PSD3: variants seen among roughly 807,000 people sequenced by gnomAD.
PSD3 encodes PH and SEC7 domain-containing protein 3.
PSD3 carries 49 observed loss-of-function variants against 105.5 expected under a neutral mutation model. That is an observed-to-expected ratio of 0.46 (90% CI 0.37 to 0.59). PSD3 has a LOEUF of 0.59. Among genes scored for constraint, PSD3 ranks in the 20% least tolerant of loss-of-function variants. PSD3 has a pLI of 0.00. For synonymous variants in PSD3, 557 were observed against 457.8 expected (o/e 1.22, Z -2.77); for missense variants, 1,561 against 1,263.8 (o/e 1.24, Z -3.57).
chr8:18,941,767 G>A (rs1822562613), intron 1 of PSD3, among the ~76,000 whole-genome samples: 2 of 149,850 alleles, frequency 1.3e-5, no homozygotes, highest in Admixed American at 1.3e-4. Context: ...CCGCCTCCCG[G>A]GTTCAAGTGA....
At chr8:18,808,807 TG>T in intron 4 of PSD3, 1 of 1,613,850 alleles carries the variant, frequency 6.2e-7, no homozygotes, top group Non-Finnish European at 8.5e-7. Context: ...GGGGTGCGCC[TG>T]GACCATCCTT....
chr8:18,591,378 C>T (rs11779630), intron 12 of PSD3, among the ~76,000 whole-genome samples: 5,527 of 152,212 alleles, frequency 0.036, 166 homozygotes, highest in East Asian at 0.11. Context: ...TACCTGGGCA[C>T]TGCTAAGAAC....
intron 9 of PSD3, among the ~76,000 whole-genome samples, chr8:18,673,200 AT>A (rs1336752485): frequency 2.0e-5 from 3 of 149,016 alleles, no homozygotes; most frequent in African/African-American, 7.6e-5. Context: ...ACACACACCC[AT>A]CCACACACAC....
At chr8:18,933,529 A>G (rs778762068) in intron 2 of PSD3, among the ~76,000 whole-genome samples, 6 of 152,154 alleles carry the variant, frequency 3.9e-5, no homozygotes, top group Non-Finnish European at 7.3e-5. Flanking sequence ...GTGCAGTGGC[A>G]TGATCTCGGC....
chr8:18,624,774 TAC>T (rs1806361064), intron 11 of PSD3, among the ~76,000 whole-genome samples: 1 of 152,092 alleles, frequency 6.6e-6, no homozygotes, highest in African/African-American at 2.4e-5. Flanking sequence ...GGTAATATGC[TAC>T]AAGTATCTTA....
intron 9 of PSD3, among the ~76,000 whole-genome samples, chr8:18,684,425 T>G (rs1800552580): frequency 6.6e-6 from 1 of 152,094 alleles, no homozygotes; most frequent in African/African-American, 2.4e-5. Context: ...AGGCACCATG[T>G]GGGGTGGGAA....
At chr8:18,554,173 G>A (rs1169416480) in intron 15 of PSD3, among the ~76,000 whole-genome samples, 2 of 152,126 alleles carry the variant, frequency 1.3e-5, no homozygotes, top group African/African-American at 2.4e-5. Context: ...TTCCACCTTC[G>A]GCATCAAGGG....
chr8:18,611,578 G>A (rs964364687), intron 11 of PSD3, among the ~76,000 whole-genome samples: 2 of 146,376 alleles, frequency 1.4e-5, no homozygotes, highest in African/African-American at 5.0e-5. Flanking sequence ...GTTAATATAT[G>A]CAATCCTTTG....
At chr8:19,027,622 A>C (rs915008347) in intron 1 of PSD3, among the ~76,000 whole-genome samples, 10 of 152,206 alleles carry the variant, frequency 6.6e-5, no homozygotes, top group African/African-American at 2.2e-4. Flanking sequence ...TGCTGAGATC[A>C]GAGCAACTGC....
intron 14 of PSD3, among the ~76,000 whole-genome samples, chr8:18,570,984 C>G (rs1802100153): frequency 6.6e-6 from 1 of 151,926 alleles, no homozygotes; most frequent in Non-Finnish European, 1.5e-5. Context: ...GTCCACCTCC[C>G]AAGTAGCTGG....
chr8:18,870,166 A>G (rs916953618), intron 3 of PSD3, among the ~76,000 whole-genome samples: 5 of 152,220 alleles, frequency 3.3e-5, no homozygotes, highest in African/African-American at 1.2e-4. Context: ...TTAACTGCAG[A>G]GGAAAAGGCA....
intron 11 of PSD3, among the ~76,000 whole-genome samples, chr8:18,606,435 C>A (rs943146611): frequency 6.6e-6 from 1 of 152,280 alleles, no homozygotes; most frequent in Admixed American, 6.5e-5. Flanking sequence ...TTGTTACAGG[C>A]TTATCCATTC....
At chr8:18,785,985 G>C (rs1809107418) in intron 8 of PSD3, among the ~76,000 whole-genome samples, 1 of 152,172 alleles carries the variant, frequency 6.6e-6, no homozygotes. Context: ...CCTTCACTTT[G>C]TTAGGAAAAA....
chr8:18,688,835 C>T (rs1445117020), intron 9 of PSD3, among the ~76,000 whole-genome samples: 6 of 152,284 alleles, frequency 3.9e-5, no homozygotes, highest in African/African-American at 1.2e-4. Flanking sequence ...CAGAGACAGC[C>T]GAGCCGGCTT....
chr8:18,785,714 G>A (rs989599620), intron 8 of PSD3, among the ~76,000 whole-genome samples: 4 of 152,106 alleles, frequency 2.6e-5, no homozygotes, highest in Non-Finnish European at 1.5e-5. Context: ...TCATTTCTAG[G>A]TTTTGATTCA....
intron 1 of PSD3, among the ~76,000 whole-genome samples, chr8:18,966,434 G>A (rs1824247978): frequency 6.6e-6 from 1 of 152,018 alleles, no homozygotes; most frequent in Admixed American, 6.6e-5. Flanking sequence ...AGCTGGGTGT[G>A]GTGGTGCACG....
intron 9 of PSD3, among the ~76,000 whole-genome samples, chr8:18,754,289 CA>C (rs1795318087): frequency 6.6e-6 from 1 of 152,106 alleles, no homozygotes; most frequent in Admixed American, 6.5e-5. Flanking sequence ...GAGGCTAAGA[CA>C]GGGGAATCAC....
At chr8:18,767,419 T>C (rs918893640) in intron 8 of PSD3, among the ~76,000 whole-genome samples, 2 of 152,094 alleles carry the variant, frequency 1.3e-5, no homozygotes, top group African/African-American at 4.8e-5. Flanking sequence ...TCTAGCAAAA[T>C]GTAGTCCAAG....
chr8:18,677,020 A>G (rs1291509193), intron 9 of PSD3, among the ~76,000 whole-genome samples: 1 of 152,270 alleles, frequency 6.6e-6, no homozygotes, highest in African/African-American at 2.4e-5. Context: ...CAGTGATCGT[A>G]AAGATCTGCT....
Sources: gnomAD v4.1 joint callset for allele counts (sites outside exome capture counted in the v4.1 genomes callset) on GRCh38, gnomAD v4.1.1 for gene constraint, MANE v1.5 for transcripts, NCBI Gene and HGNC (gene_info 2026-07-23, HGNC 2026-07-21) for gene names.